SMG1: variants seen among roughly 807,000 people sequenced by gnomAD.
SMG1 encodes the protein SMG1 nonsense mediated mRNA decay associated PI3K related kinase.
SMG1 carries 22 observed loss-of-function variants against 419.9 expected under a neutral mutation model. The ratio of observed to expected loss-of-function variants is 0.05; its 90% CI spans 0.04 to 0.07. The LOEUF (loss-of-function observed/expected upper bound fraction) is 0.07, where lower values mean the gene tolerates loss of function less well. Ranked by LOEUF, SMG1 falls within the 10% of genes least tolerant of loss-of-function variation. The pLI is 1.00. For synonymous variants in SMG1, 1,538 were observed against 1,553.5 expected (o/e 0.99, Z 0.23); for missense variants, 3,185 against 4,342.0 (o/e 0.73, Z 7.49).
intron 51 of SMG1, among the ~76,000 whole-genome samples, chr16:18,830,848 T>C (rs1449878929): frequency 6.6e-6 from 1 of 152,196 alleles, no homozygotes; most frequent in Non-Finnish European, 1.5e-5. Context: ...TCAACCACAA[T>C]AGGATTTCAA....
intron 3 of SMG1, among the ~76,000 whole-genome samples, chr16:18,892,790 T>C (rs2036941914): frequency 6.6e-6 from 1 of 152,188 alleles, no homozygotes; most frequent in Admixed American, 6.5e-5. Context: ...TCAGGGAATA[T>C]AGGTCCTATC....
chr16:18,832,394 T>C (rs2033249399), intron 51 of SMG1, among the ~76,000 whole-genome samples: 1 of 152,190 alleles, frequency 6.6e-6, no homozygotes, highest in South Asian at 2.1e-4. Flanking sequence ...TTACAATATT[T>C]AAACTAATTT....
At chr16:18,841,443 G>A in intron 41 of SMG1, 122 bp downstream of exon 41, 2 of 766,556 alleles carry the variant, frequency 2.6e-6, no homozygotes, top group Non-Finnish European at 4.3e-6. Flanking sequence ...CTCTCCTAGG[G>A]ACCTCAAGTC....
intron 11 of SMG1, chr16:18,879,117 AT>A (rs956874186): frequency 9.3e-5 from 27 of 288,900 alleles, no homozygotes; most frequent in Non-Finnish European, 1.4e-4. Flanking sequence ...CAAAGCCCTT[AT>A]TTTTTTTTCT....
intron 24 of SMG1, 46 bp from the exon 25 acceptor site, chr16:18,863,897 A>G (rs1435336919): frequency 1.3e-6 from 2 of 1,591,674 alleles, no homozygotes; most frequent in Admixed American, 1.7e-5. Flanking sequence ...CAGATCAGTT[A>G]GAAATATTTC....
At chr16:18,837,865 A>C (rs2033678808) in intron 45 of SMG1, 149 bp downstream of exon 45, 1 of 741,574 alleles carries the variant, frequency 1.3e-6, no homozygotes. Flanking sequence ...AAAAGTTAAC[A>C]TCAAACTGCC....
chr16:18,829,930 C>A lies in SMG1; in HGVS notation c.9129G>T (p.Leu3043Phe). The A allele has an allele frequency of 1.3e-6, 2 of 1,545,604 alleles. No individual in the cohort carries two copies. The highest frequency in any genetic ancestry group is 1.7e-6 in the Non-Finnish European group (2 of 1,148,628). ...TGTTTACAGGTAGAATATTACCTGA[C>A]AATGTTTTAGAAAAGGTACCACAGA... ...FRLCGTFSKT[L>F]SGSSSLEDQN... The change falls in exon 53 of 63, where the codon TTG (leucine) becomes TTT (phenylalanine). Residue 3043 changes from leucine to phenylalanine, a missense_variant. Coordinates refer to ENST00000446231, the MANE Select transcript of SMG1 (RefSeq NM_015092.5).
intron 31 of SMG1, among the ~76,000 whole-genome samples, chr16:18,852,833 T>C (rs2034675401): frequency 6.6e-6 from 1 of 152,158 alleles, no homozygotes; most frequent in South Asian, 2.1e-4. Context: ...CTGGCAAAAA[T>C]AATAAATAGG....
intron 1 of SMG1, among the ~76,000 whole-genome samples, chr16:18,903,774 A>G (rs955851481): frequency 1.3e-5 from 2 of 152,024 alleles, no homozygotes; most frequent in African/African-American, 2.4e-5. Context: ...ACACTCCATC[A>G]CTGCCTGTCA....
Position 18,811,865 on chromosome 16 carries a change from C to A in SMG1, c.10804G>T (p.Val3602Leu), listed in dbSNP as rs779407366. The A allele has an allele frequency of 1.1e-4, 180 of 1,613,778 alleles. No homozygotes were observed. The highest frequency in any genetic ancestry group is 1.5e-4 in the Non-Finnish European group (176 of 1,179,838). Residue 3602 changes from valine (V) to leucine (L), a missense_variant and splice_region_variant, in exon 62 of 63, where the codon GTG becomes TTG. By Grantham distance (32) the Val-to-Leu change is conservative (BLOSUM62 1). Coordinates refer to ENST00000446231, the MANE Select transcript of SMG1 (RefSeq NM_015092.5). ...ACTGCATAGGAGTTTCTCTCTTGCACCGCTATGAAGCAACAAAAACATACG... is the reference window on the plus strand; with the variant it reads ...ACTGCATAGGAGTTTCTCTCTTGCAACGCTATGAAGCAACAAAAACATACG... ...AVRDPKTGKA[V>L]QERNSYAVSV...
intron 9 of SMG1, 59 bp downstream of exon 9, chr16:18,884,011 G>C: frequency 1.6e-6 from 1 of 635,952 alleles, no homozygotes. Flanking sequence ...AATAAATCTA[G>C]CACAATTTAA....
intron 1 of SMG1, among the ~76,000 whole-genome samples, chr16:18,918,181 T>C (rs1393596255): frequency 6.6e-6 from 1 of 151,968 alleles, no homozygotes; most frequent in Non-Finnish European, 1.5e-5. Context: ...GAGAACTGCT[T>C]GAACCCGGGA....
intron 53 of SMG1, 45 bp downstream of exon 53, chr16:18,829,881 A>T (rs534885260): frequency 6.8e-7 from 1 of 1,464,824 alleles, no homozygotes; most frequent in Non-Finnish European, 9.1e-7. Flanking sequence ...CCCCTTCCAT[A>T]GTGCTACATA....
At chr16:18,842,137 C>T in intron 40 of SMG1, 71 bp downstream of exon 40, 1 of 1,484,292 alleles carries the variant, frequency 6.7e-7, no homozygotes, top group Non-Finnish European at 9.1e-7. Flanking sequence ...CTACTATACA[C>T]ACCCACACTC....
intron 1 of SMG1, among the ~76,000 whole-genome samples, chr16:18,906,720 T>C (rs1216158205): frequency 2.0e-5 from 3 of 152,222 alleles, no homozygotes; most frequent in Non-Finnish European, 4.4e-5. Context: ...CTGCCTTTAC[T>C]TGCTGCAGCC....
At chr16:18,852,819 C>G (rs182167078) in intron 31 of SMG1, among the ~76,000 whole-genome samples, 3 of 152,310 alleles carry the variant, frequency 2.0e-5, no homozygotes, top group Admixed American at 2.0e-4. Context: ...TCACTTTAAT[C>G]ATTCTGGCAA....
intron 6 of SMG1, among the ~76,000 whole-genome samples, chr16:18,887,135 ATATAT>A (rs1207398615): frequency 1.3e-5 from 2 of 152,224 alleles, no homozygotes; most frequent in Non-Finnish European, 2.9e-5. Flanking sequence ...TAGGTGAAGC[ATATAT>A]TATGAAATTA....
chr16:18,861,318 G>GA (rs1235169388), intron 25 of SMG1: 4 of 152,376 alleles, frequency 2.6e-5, no homozygotes, highest in African/African-American at 9.7e-5. Context: ...CTGCTTATAT[G>GA]AAAAATAATG....
rs2035783675 is a variant in SMG1, at chr16:18,870,907, C to T, written c.2303-19G>A. 1 of 1,190,916 alleles carries T rather than the reference C, an allele frequency of 8.4e-7. No homozygotes were observed. Among genetic ancestry groups the T allele is most frequent in the Non-Finnish European group, 1.2e-6 (1 of 835,756 alleles). The allele number at this position is 1,190,916 out of a possible 1,614,324, so 73.8% of individuals were successfully genotyped here. A position where few individuals can be genotyped will look rare whatever the true frequency, so the allele number is the denominator to read the frequency against. On this transcript the variant is annotated intron_variant, in intron 16 of 62. Transcript: ENST00000446231. ...ACGAGAGCTATTAAACATTAAAAGA[C>T]AGTTACTTTCAGCTGGCCAAAAGAA...
Sources: allele counts gnomAD v4.1 joint callset (sites outside exome capture counted in the v4.1 genomes callset), GRCh38; gene constraint gnomAD v4.1.1; transcripts MANE v1.5; gene names NCBI Gene and HGNC (gene_info 2026-07-23, HGNC 2026-07-21).